The following DEPDC1B variants were observed in gnomAD, a reference collection of about 807,000 sequenced individuals.
DEPDC1B encodes the protein DEP domain containing 1B, also known as DEP domain-containing protein 1B.
In DEPDC1B, 51 loss-of-function variants were observed where a neutral mutation model predicts 66.5. That is an observed-to-expected ratio of 0.77 (90% confidence interval 0.61 to 0.97). The LOEUF is 0.97. Ranked by LOEUF, DEPDC1B falls within the 50% of genes least tolerant of loss-of-function variation. The pLI is 0.00. For synonymous variants in DEPDC1B, 226 were observed against 223.6 expected (o/e 1.01, Z -0.10); for missense variants, 552 against 637.1 (o/e 0.87, Z 1.44).
chr5:60,616,186 T>TG (rs926282146), intron 7 of DEPDC1B, among the ~76,000 whole-genome samples: 5 of 151,668 alleles, frequency 3.3e-5, no homozygotes, highest in African/African-American at 1.2e-4. Flanking sequence ...ACCACAAAGA[T>TG]GGGGGAAAAA....
intron 7 of DEPDC1B, among the ~76,000 whole-genome samples, chr5:60,617,422 A>T (rs963195731): frequency 3.9e-5 from 6 of 152,188 alleles, no homozygotes; most frequent in Admixed American, 2.0e-4. Context: ...ACATAGGCTC[A>T]AATTAAAGGG....
At chr5:60,657,916 A>G (rs776792186) in intron 2 of DEPDC1B, among the ~76,000 whole-genome samples, 15 of 152,202 alleles carry the variant, frequency 9.9e-5, no homozygotes, top group Admixed American at 2.6e-4. Flanking sequence ...CTTCTTCCTC[A>G]GGAAGACCAA....
chr5:60,687,032 T>A lies in DEPDC1B; in HGVS notation c.244A>T (p.Asn82Tyr). 1 of 1,614,202 alleles carries A rather than the reference T, an allele frequency of 6.2e-7. No homozygotes were observed. The highest frequency in any genetic ancestry group is 8.5e-7 in the Non-Finnish European group (1 of 1,180,038). ...CCCTTGATGTCTTCAATAACGTGAT[T>A]CTTCAGGAATTTTTTTAGCAGCTGG... is the stretch of plus-strand genomic sequence containing the variant. Reference protein sequence around the residue: ...TVQLLKKFLKNHVIEDIKGKW... With the variant: ...TVQLLKKFLKYHVIEDIKGKW... Residue 82 changes from asparagine (N) to tyrosine (Y), a missense_variant, in exon 2 of 11, where the codon AAT becomes TAT. Transcript: ENST00000265036.
intron 6 of DEPDC1B, among the ~76,000 whole-genome samples, chr5:60,641,442 A>C (rs1424464399): frequency 3.4e-5 from 5 of 148,148 alleles, no homozygotes; most frequent in Non-Finnish European, 7.4e-5. Flanking sequence ...CTCCTGCCTC[A>C]GCCTCCCAAG....
chr5:60,658,325 G>A (rs1051734354), intron 2 of DEPDC1B, among the ~76,000 whole-genome samples: 6 of 152,112 alleles, frequency 3.9e-5, no homozygotes, highest in East Asian at 1.9e-4. Flanking sequence ...GTTTGGATCC[G>A]TTGCTGGTGA....
chr5:60,618,139 G>A (rs906653976), intron 7 of DEPDC1B, among the ~76,000 whole-genome samples: 4 of 152,202 alleles, frequency 2.6e-5, no homozygotes, highest in African/African-American at 7.2e-5. Flanking sequence ...ATTCAAAGTA[G>A]TTTGTAGTGG....
At chr5:60,692,946 C>T (rs915487922) in intron 1 of DEPDC1B, among the ~76,000 whole-genome samples, 2 of 151,976 alleles carry the variant, frequency 1.3e-5, no homozygotes, top group Non-Finnish European at 2.9e-5. Context: ...GCCAAACGAT[C>T]CATGATATTT....
At chr5:60,646,793 A>C (rs527892462) in intron 3 of DEPDC1B, among the ~76,000 whole-genome samples, 4 of 151,990 alleles carry the variant, frequency 2.6e-5, no homozygotes, top group Non-Finnish European at 5.9e-5. Flanking sequence ...CCTGAGTTCT[A>C]CCTCCTGTCA....
At chr5:60,654,673 A>G (rs1753536086) in intron 2 of DEPDC1B, among the ~76,000 whole-genome samples, 1 of 148,636 alleles carries the variant, frequency 6.7e-6, no homozygotes. Context: ...GTTGAATAGA[A>G]GTGGTGAAAG....
chr5:60,627,195 G>T (rs538705129), intron 7 of DEPDC1B, among the ~76,000 whole-genome samples: 36 of 151,900 alleles, frequency 2.4e-4, no homozygotes, highest in Non-Finnish European at 4.6e-4. Flanking sequence ...CCCATTGCTG[G>T]ATGATTACCT....
In DEPDC1B at chr5:60,687,152, G is replaced by A; in HGVS notation, c.124C>T (p.His42Tyr). Residue 42 changes from histidine to tyrosine, a missense_variant, in exon 2 of 11, where the codon CAT becomes TAT. Transcript: ENST00000265036. ...ACAGCTTCGGCCGCTGTGAAACAAT[G>A]CTCATAGCTCTTGAAACGACAGCGA... is the stretch of plus-strand genomic sequence containing the variant. ...KHRCRFKSYE[H>Y]CFTAAEAVDW... 6.2e-7 allele frequency: 1 copy of A among 1,614,140 alleles called. No homozygotes were observed. Among genetic ancestry groups the A allele is most frequent in the Non-Finnish European group, 8.5e-7 (1 of 1,179,994 alleles).
chr5:60,667,871 G>A (rs1753903503), intron 2 of DEPDC1B, among the ~76,000 whole-genome samples: 1 of 84,966 alleles, frequency 1.2e-5, no homozygotes, highest in South Asian at 3.5e-4. Context: ...GTAAAAAATG[G>A]ATATTTTACA....
chr5:60,690,901 C>T (rs1754528273), intron 1 of DEPDC1B, among the ~76,000 whole-genome samples: 1 of 152,126 alleles, frequency 6.6e-6, no homozygotes, highest in South Asian at 2.1e-4. Flanking sequence ...CTAACCTTCT[C>T]AGCCACATTC....
chr5:60,696,095 C>T (rs562130913), intron 1 of DEPDC1B, among the ~76,000 whole-genome samples: 3 of 152,292 alleles, frequency 2.0e-5, no homozygotes, highest in South Asian at 2.1e-4. Context: ...CCGCACCCAG[C>T]GTGAAAATTT....
intron 7 of DEPDC1B, among the ~76,000 whole-genome samples, chr5:60,620,689 G>A (rs1197865908): frequency 6.6e-6 from 1 of 152,206 alleles, no homozygotes; most frequent in Non-Finnish European, 1.5e-5. Flanking sequence ...TACACTGTTG[G>A]TGGGACTGTA....
At chr5:60,671,937 G>A (rs1012965404) in intron 2 of DEPDC1B, among the ~76,000 whole-genome samples, 1 of 152,166 alleles carries the variant, frequency 6.6e-6, no homozygotes, top group African/African-American at 2.4e-5. Flanking sequence ...TATGCCCTGT[G>A]AGCCAAATCC....
At chr5:60,612,383 G>A (rs867581428) in intron 7 of DEPDC1B, among the ~76,000 whole-genome samples, 126 of 149,360 alleles carry the variant, frequency 8.4e-4, no homozygotes, top group Middle Eastern at 3.4e-3. Context: ...AGATTGTGCC[G>A]CTGCACTCCA....
At chr5:60,602,223 T>C (rs953848708) in intron 9 of DEPDC1B, among the ~76,000 whole-genome samples, 1 of 130,536 alleles carries the variant, frequency 7.7e-6, no homozygotes, top group Non-Finnish European at 1.6e-5. Context: ...AAGGTAGGCA[T>C]GGACATAGAC....
chr5:60,615,291 C>A (rs948740198), intron 7 of DEPDC1B, among the ~76,000 whole-genome samples: 1 of 151,878 alleles, frequency 6.6e-6, no homozygotes, highest in African/African-American at 2.4e-5. Context: ...GAGTGTCGGA[C>A]AGTGGGTGCA....
Sources: allele counts gnomAD v4.1 joint callset (sites outside exome capture counted in the v4.1 genomes callset), GRCh38; gene constraint gnomAD v4.1.1; transcripts MANE v1.5; gene names NCBI Gene and HGNC (gene_info 2026-07-23, HGNC 2026-07-21).